The following KDM7A variants were observed in gnomAD, a reference collection of about 807,000 sequenced individuals.
KDM7A encodes the protein lysine demethylase 7A.
Under a neutral mutation model 114.8 loss-of-function variants are expected in KDM7A, and 28 were observed. The observed-to-expected ratio is 0.24, with a 90% confidence interval of 0.18 to 0.33. KDM7A has a LOEUF of 0.33. Among genes scored for constraint, KDM7A ranks in the 10% least tolerant of loss-of-function variants. KDM7A has a pLI of 1.00. For synonymous variants in KDM7A, 423 were observed against 397.8 expected (o/e 1.06, Z -0.75); for missense variants, 942 against 1,142.5 (o/e 0.82, Z 2.53).
In KDM7A at chr7:140,088,334, C is replaced by CCA. The variant is rs143962911; in HGVS notation, c.*2759_*2760insTG. 4.3e-4 allele frequency: 170 copies of CCA among 392,106 alleles called. No individual in the cohort carries two copies. In the East Asian group the frequency reaches 6.1e-3, roughly 14 times the overall value. The allele number at this position is 392,106 out of a possible 1,614,324, so 24.3% of individuals were successfully genotyped here. A position where few individuals can be genotyped will look rare whatever the true frequency, so the allele number is the denominator to read the frequency against. On this transcript the variant is annotated 3_prime_UTR_variant, in exon 20 of 20. Coordinates refer to ENST00000397560, the MANE Select transcript of KDM7A (RefSeq NM_030647.2). The stretch of plus-strand genomic sequence containing the variant: ...TATAATCCAATGGATCCCAGCTGAA[C>CCA]AGTCACTTATTTGAAACAATACAGG...
At chr7:140,154,294 T>C (rs1202319361) in intron 1 of KDM7A, among the ~76,000 whole-genome samples, 1 of 150,932 alleles carries the variant, frequency 6.6e-6, no homozygotes, top group African/African-American at 2.4e-5. Flanking sequence ...AAGACCAGCC[T>C]GGGCATAATG....
intron 1 of KDM7A, among the ~76,000 whole-genome samples, chr7:140,156,503 G>C (rs1260759983): frequency 6.6e-6 from 1 of 152,204 alleles, no homozygotes; most frequent in African/African-American, 2.4e-5. Context: ...ATTCAGATGG[G>C]AAGTGATCCA....
At chr7:140,144,167 C>T (rs999489944) in intron 1 of KDM7A, among the ~76,000 whole-genome samples, 2 of 152,180 alleles carry the variant, frequency 1.3e-5, no homozygotes, top group African/African-American at 4.8e-5. Context: ...TAAGGATAGA[C>T]ACACCGAATA....
chr7:140,116,255 A>AGT (rs10675737), intron 9 of KDM7A, among the ~76,000 whole-genome samples: 53,315 of 151,120 alleles, frequency 0.35, 9,551 homozygotes, highest in Middle Eastern at 0.43. Flanking sequence ...TTGCAGAATC[A>AGT]GTGTGTGTGT....
intron 11 of KDM7A, among the ~76,000 whole-genome samples, chr7:140,103,308 T>G (rs1324699909): frequency 1.2e-5 from 1 of 82,080 alleles, no homozygotes; most frequent in Non-Finnish European, 3.0e-5. Flanking sequence ...AGCATTTCCT[T>G]TTTTTTTTTA....
intron 14 of KDM7A, among the ~76,000 whole-genome samples, 183 bp downstream of exon 14, chr7:140,098,696 G>A (rs1023759768): frequency 7.2e-5 from 11 of 152,250 alleles, no homozygotes; most frequent in South Asian, 2.1e-4. Flanking sequence ...GCCACTGGGC[G>A]TATACCTCAC....
intron 1 of KDM7A, among the ~76,000 whole-genome samples, chr7:140,161,866 TA>T (rs2116850029): frequency 6.6e-6 from 1 of 152,276 alleles, no homozygotes; most frequent in Admixed American, 6.5e-5. Context: ...ATTCAAGGGA[TA>T]CTGTATATAT....
At chr7:140,114,695 C>G (rs1433552661) in intron 9 of KDM7A, among the ~76,000 whole-genome samples, 2 of 151,968 alleles carry the variant, frequency 1.3e-5, no homozygotes, top group Non-Finnish European at 2.9e-5. Context: ...GCGCCTCTTC[C>G]CGGCTGCCAT....
At chr7:140,166,800 T>C (rs1030137148) in intron 1 of KDM7A, among the ~76,000 whole-genome samples, 9 of 152,162 alleles carry the variant, frequency 5.9e-5, no homozygotes, top group Admixed American at 4.6e-4. Flanking sequence ...ATTATATAAG[T>C]GAAATCAAAT....
chr7:140,154,775 T>C (rs1046685758), intron 1 of KDM7A, among the ~76,000 whole-genome samples: 1 of 152,068 alleles, frequency 6.6e-6, no homozygotes, highest in Non-Finnish European at 1.5e-5. Context: ...AAACACTTCA[T>C]GGGTTATTAT....
chr7:140,117,307 A>G (rs1213027959), intron 9 of KDM7A, among the ~76,000 whole-genome samples: 1 of 152,276 alleles, frequency 6.6e-6, no homozygotes, highest in East Asian at 1.9e-4. Flanking sequence ...CAAAGACTAA[A>G]TAGTTCTAAG....
intron 11 of KDM7A, among the ~76,000 whole-genome samples, chr7:140,109,388 A>G (rs916519049): frequency 1.3e-5 from 2 of 152,188 alleles, no homozygotes; most frequent in African/African-American, 4.8e-5. Context: ...TTATTTGGCC[A>G]TCTTGGAATC....
At position 140,127,501 on chromosome 7, in the gene KDM7A, G is replaced by A; in HGVS notation, c.642C>T (p.Phe214=). ...ACACTTTTGGTCTGTTAGGATTCAT[G>A]AAGTATTTAACATAATTGTGAAGTG... The part of the protein sequence containing the change: ...KMTLHNYVKY[F]MNPNRPKVLN... Residue 214 remains phenylalanine (F), a synonymous_variant, in exon 5 of 20, where the codon TTC becomes TTT. Transcript: ENST00000397560. 2 of 1,613,352 alleles carry A rather than the reference G, an allele frequency of 1.2e-6. No homozygotes were observed. The highest frequency in any genetic ancestry group is 1.7e-6 in the Non-Finnish European group (2 of 1,179,318).
intron 11 of KDM7A, among the ~76,000 whole-genome samples, chr7:140,108,286 CAA>C (rs767412774): frequency 7.2e-5 from 11 of 152,258 alleles, no homozygotes; most frequent in East Asian, 1.9e-4. Context: ...GTCAACTTGT[CAA>C]AGTCATTCTC....
At chr7:140,132,488 CCT>C (rs1439273768) in intron 3 of KDM7A, among the ~76,000 whole-genome samples, 3 of 152,180 alleles carry the variant, frequency 2.0e-5, no homozygotes, top group South Asian at 2.1e-4. Context: ...AGCTCACAAA[CCT>C]CTCTTAGACC....
intron 6 of KDM7A, 42 bp downstream of exon 6, chr7:140,126,595 A>C (rs368719138): frequency 9.0e-5 from 116 of 1,289,816 alleles, no homozygotes; most frequent in Non-Finnish European, 1.2e-4. Flanking sequence ...CTAGGGCTAT[A>C]TGTTTTTGTC....
At chr7:140,169,168 A>G (rs1585170814) in intron 1 of KDM7A, among the ~76,000 whole-genome samples, 1 of 152,232 alleles carries the variant, frequency 6.6e-6, no homozygotes, top group African/African-American at 2.4e-5. Context: ...CATTAACTCA[A>G]CCTACAGTTA....
Position 140,087,217 on chromosome 7 carries a change from C to T in KDM7A, c.*3877G>A, listed in dbSNP as rs1817942575. The T allele has an allele frequency of 6.6e-6, 1 of 152,216 alleles. No homozygotes were observed. Among genetic ancestry groups the T allele is most frequent in the South Asian group, 2.1e-4 (1 of 4,830 alleles). 9.4% of individuals were successfully genotyped at this position (152,216 alleles called of 1,614,324 possible). On this transcript the variant is annotated 3_prime_UTR_variant, in exon 20 of 20. Coordinates refer to ENST00000397560, the MANE Select transcript of KDM7A (RefSeq NM_030647.2). ...GTCATTTTAATTCCATGACTTCCTTCACCTTTATCTAGTACCTGAAGAGTA... is the reference window on the plus strand; with the variant it reads ...GTCATTTTAATTCCATGACTTCCTTTACCTTTATCTAGTACCTGAAGAGTA...
At chr7:140,106,376 G>A (rs1818338347) in intron 11 of KDM7A, among the ~76,000 whole-genome samples, 1 of 152,272 alleles carries the variant, frequency 6.6e-6, no homozygotes, top group South Asian at 2.1e-4. Flanking sequence ...TAATTGTGAT[G>A]TTAGGGTGTC....
Sources: allele counts gnomAD v4.1 joint callset (sites outside exome capture counted in the v4.1 genomes callset), GRCh38; gene constraint gnomAD v4.1.1; transcripts MANE v1.5; gene names NCBI Gene and HGNC (gene_info 2026-07-23, HGNC 2026-07-21).